The following PCSK6 variants were observed in gnomAD, a reference collection of about 807,000 sequenced individuals.
PCSK6 encodes the protein paired basic amino acid cleaving enzyme 4.
In PCSK6, 85 loss-of-function variants were observed where a neutral mutation model predicts 123.3. That is an observed-to-expected ratio of 0.69 (90% confidence interval 0.58 to 0.83). The LOEUF is 0.83. Ranked by LOEUF, PCSK6 falls within the 40% of genes least tolerant of loss-of-function variation. The pLI, the probability that PCSK6 is intolerant of heterozygous loss-of-function variation, is 0.00. For synonymous variants in PCSK6, 508 were observed against 516.0 expected, an observed-to-expected ratio of 0.98 and a Z score of 0.21; for missense variants, 1,191 against 1,282.3, an observed-to-expected ratio of 0.93 and a Z score of 1.09.
At chr15:101,443,740 C>T in intron 1 of PCSK6, 80 bp from the exon 2 acceptor site, 3 of 994,042 alleles carry the variant, frequency 3.0e-6, no homozygotes, top group Non-Finnish European at 4.8e-6. Flanking sequence ...CAAGAATCTC[C>T]CCCTTATCTG....
rs1420946435 is a variant in PCSK6 at position 101,409,494 on chromosome 15, A to G, written c.824-10918T>C. On this transcript the variant is annotated intron_variant, in intron 6 of 21. Coordinates refer to ENST00000611716, the MANE Select transcript of PCSK6 (RefSeq NM_002570.5). ...CAGCTACTCGGGAGGCTGAGGCAGGAGAATGGCGTGAACCCGGGAGGCGGA... is the reference window on the plus strand; with the variant it reads ...CAGCTACTCGGGAGGCTGAGGCAGGGGAATGGCGTGAACCCGGGAGGCGGA... Among the ~76,000 whole-genome samples the G allele has an allele frequency of 2.6e-5, 4 of 151,628 alleles. No homozygotes were observed. In the East Asian group the frequency reaches 7.8e-4, roughly 30 times the overall value.
intron 13 of PCSK6, among the ~76,000 whole-genome samples, chr15:101,364,268 C>G (rs548558206): frequency 6.6e-6 from 1 of 152,062 alleles, no homozygotes; most frequent in African/African-American, 2.4e-5. Flanking sequence ...GGAAACTCGC[C>G]CATAGAAAAG....
chr15:101,307,263 CCCGT>C lies in PCSK6; in HGVS notation c.2758_2761del (p.Thr920AlafsTer26), dbSNP rs1427751682. 6.2e-7 allele frequency: 1 copy of C among 1,613,852 alleles called. No individual in the cohort carries two copies. The highest frequency in any genetic ancestry group is 1.7e-5 in the Admixed American group (1 of 60,008). ...GCAGGAGGTCCCCAGCTGTGTGAAGCCCGTCTTACACCTGCTACAGTTCCTGCTG... is the reference window on the plus strand; with the variant it reads ...GCAGGAGGTCCCCAGCTGTGTGAAGCCTTACACCTGCTACAGTTCCTGCTG... On this transcript the variant is annotated frameshift_variant, in exon 21 of 22. Coordinates refer to ENST00000611716, the MANE Select transcript of PCSK6 (RefSeq NM_002570.5). LOFTEE classifies it high-confidence loss of function.
chr15:101,431,443 A>C lies in PCSK6; in HGVS notation c.534T>G (p.Ser178Arg), dbSNP rs758026467. 3 of 1,613,798 alleles carry C rather than the reference A, an allele frequency of 1.9e-6. No individual in the cohort carries two copies. Among genetic ancestry groups the C allele is most frequent in the Admixed American group, 3.3e-5 (2 of 59,996 alleles). Residue 178 changes from serine to arginine, a missense_variant, in exon 4 of 22, where the codon AGT becomes AGG. Physicochemically the swap from Ser to Arg is moderately radical, Grantham distance 110 (BLOSUM62 -1). Around this residue, in one of 3 missense-constraint regions of PCSK6, gnomAD observed 357 missense variants for 484.5 expected, o/e 0.74. Coordinates refer to ENST00000611716, the MANE Select transcript of PCSK6 (RefSeq NM_002570.5). ...GGACATTCATTTCCGACCGGCAGCG[A>C]CTGTTCTTGTCGCCACAATGCTGTA... ...MWYLHCGDKN[S>R]RCRSEMNVQA... is the part of the protein sequence containing the mutation.
chr15:101,427,844 C>T (rs371254713), intron 6 of PCSK6, 48 bp downstream of exon 6: 11 of 1,432,132 alleles, frequency 7.7e-6, no homozygotes, highest in Middle Eastern at 1.9e-4. Flanking sequence ...CTCCCAGCTG[C>T]CCCTGCCCCA....
At chr15:101,318,723 C>G (rs1430987863) in intron 18 of PCSK6, among the ~76,000 whole-genome samples, 10 of 152,238 alleles carry the variant, frequency 6.6e-5, no homozygotes, top group Non-Finnish European at 1.3e-4. Flanking sequence ...ATCCAAACCC[C>G]ATGAAGAGAA....
rs1208119524 is a variant in PCSK6 at position 101,489,628 on chromosome 15, G to T, written c.43C>A (p.Pro15Thr). Reference protein sequence around the residue: ...APPAPGPRPPPRAAAATDTAA... With the variant: ...APPAPGPRPPTRAAAATDTAA... ...GTGTCGGTGGCGGCGGCGGCCCGGG[G>T]CGGCGGCCGGGGCCCGGGCGCAGGC... The change falls in exon 1 of 22, where the codon CCC (proline) becomes ACC (threonine). Residue 15 changes from proline (P) to threonine (T), a missense_variant. Transcript: ENST00000611716. 1.0e-6 allele frequency: 1 copy of T among 975,186 alleles called. No homozygotes were observed. The highest frequency in any genetic ancestry group is 1.2e-6 in the Non-Finnish European group (1 of 825,206). 60.4% of individuals were successfully genotyped at this position (975,186 alleles called of 1,614,324 possible).
chr15:101,390,120 T>C (rs1461924374), intron 8 of PCSK6, among the ~76,000 whole-genome samples: 1 of 152,214 alleles, frequency 6.6e-6, no homozygotes, highest in Non-Finnish European at 1.5e-5. Context: ...AAGAAGCAGA[T>C]CAACCTGGCA....
chr15:101,320,275 A>G (rs1386315382), intron 18 of PCSK6, among the ~76,000 whole-genome samples: 3 of 152,080 alleles, frequency 2.0e-5, no homozygotes, highest in Non-Finnish European at 4.4e-5. Context: ...TAGTAGAGAC[A>G]GGGTTTCGCC....
chr15:101,329,521 C>T (rs12907255), intron 15 of PCSK6, among the ~76,000 whole-genome samples: 2 of 152,356 alleles, frequency 1.3e-5, no homozygotes, highest in Admixed American at 1.3e-4. Context: ...AGCAAGCGAC[C>T]TGAGGCTTCT....
Position 101,307,453 on chromosome 15 carries a change from C to T in PCSK6, c.2700-128G>A, listed in dbSNP as rs1032426513. 21 of 648,558 alleles carry T rather than the reference C, an allele frequency of 3.2e-5. No homozygotes were observed. In the Middle Eastern group the frequency reaches 1.6e-3, roughly 49 times the overall value. 40.2% of individuals were successfully genotyped at this position (648,558 alleles called of 1,614,324 possible). A position where few individuals can be genotyped will look rare whatever the true frequency, so the allele number is the denominator to read the frequency against. Reference sequence around the variant, plus strand: ...TCAGCCTCGGTCCTCTGTGGAGAGGCTGTGTCGCCCACCATTCCCTGACAC... The same window carrying T: ...TCAGCCTCGGTCCTCTGTGGAGAGGTTGTGTCGCCCACCATTCCCTGACAC... On this transcript the variant is annotated intron_variant, in intron 20 of 21. Transcript: ENST00000611716.
intron 11 of PCSK6, among the ~76,000 whole-genome samples, chr15:101,371,633 T>G (rs1321113491): frequency 1.3e-5 from 2 of 152,148 alleles, no homozygotes; most frequent in East Asian, 3.9e-4. Flanking sequence ...AGAGGGAAAT[T>G]AAGGACTGTA....
chr15:101,446,306 T>C (rs1231534177), intron 1 of PCSK6, among the ~76,000 whole-genome samples: 1 of 152,264 alleles, frequency 6.6e-6, no homozygotes, highest in Non-Finnish European at 1.5e-5. Context: ...GTTTCATCAG[T>C]GTTGGACCAT....
chr15:101,440,984 T>G (rs1043987555), intron 2 of PCSK6, among the ~76,000 whole-genome samples: 9 of 152,132 alleles, frequency 5.9e-5, no homozygotes, highest in Non-Finnish European at 1.0e-4. Flanking sequence ...GGCTAACAAT[T>G]TAATTAGAAC....
chr15:101,356,672 T>C (rs561961756), intron 13 of PCSK6, among the ~76,000 whole-genome samples: 37 of 144,142 alleles, frequency 2.6e-4, no homozygotes, highest in African/African-American at 8.7e-4. Flanking sequence ...AGAGCGAGAC[T>C]GTCTCAAAAT....
chr15:101,304,764 G>A lies in PCSK6; in HGVS notation c.*494C>T, dbSNP rs12594098. On this transcript the variant is annotated 3_prime_UTR_variant, in exon 22 of 22. Coordinates refer to ENST00000611716, the MANE Select transcript of PCSK6 (RefSeq NM_002570.5). ...ATCTTATTTATAGTCTGACCAAACC[G>A]TCCCCAGACTGCTCAGTGGCAGGCA... is the stretch of plus-strand genomic sequence containing the variant. 1,166 of 156,616 alleles carry A rather than the reference G, an allele frequency of 7.4e-3. 46 individuals carry two copies. In the East Asian group the frequency reaches 0.098, roughly 13 times the overall value. The allele number at this position is 156,616 out of a possible 1,614,324, so 9.7% of individuals were successfully genotyped here.
At chr15:101,456,092 C>T (rs897366020) in intron 1 of PCSK6, among the ~76,000 whole-genome samples, 1 of 152,146 alleles carries the variant, frequency 6.6e-6, no homozygotes, top group Non-Finnish European at 1.5e-5. Context: ...GGAATATTTG[C>T]CAATAAATGA....
rs6598460 is a variant in PCSK6 at position 101,389,620 on chromosome 15, G to C, written c.1210-56C>G. 0.85 allele frequency: 1,185,747 copies of C among 1,400,414 alleles called. 504,328 individuals carry two copies. Among genetic ancestry groups the C allele is most frequent in the Admixed American group, 0.89 (46,949 of 52,948 alleles). 86.7% of individuals were successfully genotyped at this position (1,400,414 alleles called of 1,614,324 possible). ...GATGGCAGACAGGCTAACTCACTCT[G>C]TGGAGAAGGCTGGGCTACTTCAGGT... is the stretch of plus-strand genomic sequence containing the variant. On this transcript the variant is annotated intron_variant, in intron 8 of 21. Coordinates refer to ENST00000611716, the MANE Select transcript of PCSK6 (RefSeq NM_002570.5).
chr15:101,309,166 T>C (rs1050446000), intron 20 of PCSK6: 1 of 152,772 alleles, frequency 6.5e-6, no homozygotes, highest in African/African-American at 2.4e-5. Flanking sequence ...TCCAGGCAGG[T>C]GCAGCTGGGC....
Sources: gnomAD v4.1 joint callset for allele counts (sites outside exome capture counted in the v4.1 genomes callset) on GRCh38, gnomAD v4.1.1 for gene constraint, gnomAD v4.1.1 regional missense constraint, MANE v1.5 for transcripts, NCBI Gene and HGNC (gene_info 2026-07-23, HGNC 2026-07-21) for gene names.